RASGRF1: variants seen among roughly 807,000 people sequenced by gnomAD.
The protein encoded by RASGRF1 is ras-specific guanine nucleotide-releasing factor 1.
RASGRF1 carries 40 observed loss-of-function variants against 138.7 expected under a neutral mutation model. The ratio of observed to expected loss-of-function variants is 0.29; its 90% confidence interval spans 0.22 to 0.38. RASGRF1 has a LOEUF of 0.38. RASGRF1 is among the 10% of genes least tolerant of loss of function. RASGRF1 has a pLI of 1.00. For synonymous variants in RASGRF1, 614 were observed against 663.2 expected (o/e 0.93, Z 1.14); for missense variants, 1,108 against 1,650.4 (o/e 0.67, Z 5.69).
intron 11 of RASGRF1, among the ~76,000 whole-genome samples, chr15:79,018,384 A>C (rs1215778280): frequency 1.3e-5 from 2 of 152,246 alleles, no homozygotes; most frequent in Non-Finnish European, 2.9e-5. Flanking sequence ...GAGCTCCCCA[A>C]AGCAAAAGTG....
intron 5 of RASGRF1, among the ~76,000 whole-genome samples, chr15:79,043,718 C>A (rs915897885): frequency 6.6e-5 from 10 of 152,168 alleles, no homozygotes; most frequent in African/African-American, 2.4e-4. Flanking sequence ...GGTAAGGGAG[C>A]TTCTCAGGCT....
At chr15:79,012,361 A>C (rs755376028) in intron 13 of RASGRF1, 6 of 716,508 alleles carry the variant, frequency 8.4e-6, no homozygotes, top group Non-Finnish European at 1.5e-5. Context: ...TCTATCACTC[A>C]TCTTCTGGAC....
chr15:79,000,038 G>T, intron 16 of RASGRF1, 125 bp from the exon 17 acceptor site: 1 of 999,696 alleles, frequency 1.0e-6, no homozygotes, highest in Non-Finnish European at 1.5e-6. Context: ...CAGGGTACCA[G>T]GGCATGTCGG....
At chr15:78,979,279 G>C (rs957953650) in intron 24 of RASGRF1, 5 of 1,054,122 alleles carry the variant, frequency 4.7e-6, no homozygotes, top group Admixed American at 7.0e-5. Context: ...ACCAAATGCG[G>C]CAGGAAGAAA....
chr15:79,031,215 C>G (rs948173250), intron 8 of RASGRF1, among the ~76,000 whole-genome samples, 185 bp downstream of exon 8: 1 of 152,166 alleles, frequency 6.6e-6, no homozygotes, highest in African/African-American at 2.4e-5. Context: ...CCTACCGGGG[C>G]TTGAGTTGTA....
chr15:79,078,782 C>T (rs1022616677), intron 1 of RASGRF1, among the ~76,000 whole-genome samples: 1 of 152,238 alleles, frequency 6.6e-6, no homozygotes, highest in African/African-American at 2.4e-5. Context: ...TGCTTTGTCC[C>T]TGTTCTCAGT....
rs1369375376 is a variant in RASGRF1, at chr15:79,025,208, C to T, written c.1542+106G>A. On this transcript the variant is annotated intron_variant, in intron 10 of 26. Transcript: ENST00000558480. ...TCTGTGTGTGTGTGCATGCACACGT[C>T]TCTGACACCCCTGCCCACCACCTGG... The T allele has an allele frequency of 2.3e-6, 3 of 1,320,338 alleles. No homozygotes were observed. In the South Asian group the frequency reaches 5.0e-5, roughly 22 times the overall value. 81.8% of individuals were successfully genotyped at this position (1,320,338 alleles called of 1,614,324 possible).
chr15:79,004,221 C>T, intron 14 of RASGRF1, 46 bp from the exon 15 acceptor site: 1 of 1,513,370 alleles, frequency 6.6e-7, no homozygotes, highest in Middle Eastern at 1.8e-4. Context: ...GTAGGCCTGC[C>T]TGCCCGCCTA....
At chr15:78,995,172 G>A (rs1237088213) in intron 20 of RASGRF1, among the ~76,000 whole-genome samples, 3 of 151,956 alleles carry the variant, frequency 2.0e-5, no homozygotes, top group Non-Finnish European at 2.9e-5. Context: ...TAAGTGATCT[G>A]CCCACCTCAG....
chr15:78,980,558 A>C, intron 24 of RASGRF1, 62 bp downstream of exon 24: 1 of 1,377,676 alleles, frequency 7.3e-7, no homozygotes. Flanking sequence ...CGGCACGTGA[A>C]TGCCTCTGCA....
At chr15:78,995,684 T>C in intron 20 of RASGRF1, 56 bp downstream of exon 20, 2 of 1,595,880 alleles carry the variant, frequency 1.3e-6, no homozygotes, top group Non-Finnish European at 1.7e-6. Context: ...TCAGGGGTCC[T>C]GGGCAGGAGG....
At chr15:79,031,775 G>A (rs1283827700) in intron 7 of RASGRF1, among the ~76,000 whole-genome samples, 1 of 151,874 alleles carries the variant, frequency 6.6e-6, no homozygotes, top group Non-Finnish European at 1.5e-5. Flanking sequence ...GAGAGAAAAT[G>A]GTTCTTTTAG....
At chr15:79,055,571 G>GACACAC (rs143472188) in intron 3 of RASGRF1, among the ~76,000 whole-genome samples, 149 of 149,588 alleles carry the variant, frequency 1.0e-3, no homozygotes, top group African/African-American at 1.2e-3. Context: ...GCCATTTTGA[G>GACACAC]ACACACACAC....
At chr15:79,051,117 G>C (rs990430978) in intron 3 of RASGRF1, among the ~76,000 whole-genome samples, 3 of 152,196 alleles carry the variant, frequency 2.0e-5, no homozygotes, top group Non-Finnish European at 2.9e-5. Context: ...GGGATTCTAC[G>C]AACAAAGCCG....
intron 10 of RASGRF1, among the ~76,000 whole-genome samples, chr15:79,025,052 T>A (rs1464114942): frequency 6.6e-6 from 1 of 151,044 alleles, no homozygotes; most frequent in Non-Finnish European, 1.5e-5. Context: ...CTCTGGCTCC[T>A]CTGCCCAGGT....
chr15:79,036,315 C>T (rs1017551501), intron 5 of RASGRF1, among the ~76,000 whole-genome samples: 2 of 152,310 alleles, frequency 1.3e-5, no homozygotes, highest in Admixed American at 1.3e-4. Context: ...AAGTGAGTAC[C>T]TCAGGAGTCA....
At chr15:78,968,637 A>G (rs1310466902) in intron 26 of RASGRF1, among the ~76,000 whole-genome samples, 2 of 152,154 alleles carry the variant, frequency 1.3e-5, no homozygotes, top group Non-Finnish European at 1.5e-5. Flanking sequence ...AAAGACATTG[A>G]TATTTTTGAA....
rs1480504893 is a variant in RASGRF1, at chr15:79,090,574, C to T, written c.-76G>A. On this transcript the variant is annotated 5_prime_UTR_variant, in exon 1 of 27. Transcript: ENST00000558480. Reference sequence around the variant, plus strand: ...CAGCCCCCCGTCCGTGCGCGCTGCGCGCTGCCTCTCTCTGGCGCTCGCTCG... The same window carrying T: ...CAGCCCCCCGTCCGTGCGCGCTGCGTGCTGCCTCTCTCTGGCGCTCGCTCG... 24 of 1,558,940 alleles carry T rather than the reference C, an allele frequency of 1.5e-5. No homozygotes were observed. Among genetic ancestry groups the T allele is most frequent in the Non-Finnish European group, 2.1e-5 (24 of 1,154,390 alleles).
intron 5 of RASGRF1, among the ~76,000 whole-genome samples, chr15:79,036,200 T>C (rs1248431557): frequency 6.6e-6 from 1 of 152,206 alleles, no homozygotes; most frequent in African/African-American, 2.4e-5. Context: ...CCTCTGCTCC[T>C]TAGCTCCTAC....
Sources: allele counts gnomAD v4.1 joint callset (sites outside exome capture counted in the v4.1 genomes callset), GRCh38; gene constraint gnomAD v4.1.1; transcripts MANE v1.5; gene names NCBI Gene and HGNC (gene_info 2026-07-23, HGNC 2026-07-21).